PLXNB2: variants seen among roughly 807,000 people sequenced by gnomAD.
PLXNB2 encodes plexin-B2.
PLXNB2 carries 85 observed loss-of-function variants against 202.6 expected under a neutral mutation model. The observed-to-expected ratio is 0.42, with a 90% CI of 0.35 to 0.50. PLXNB2 has a LOEUF of 0.50. Among genes scored for constraint, PLXNB2 ranks in the 20% least tolerant of loss-of-function variants. The probability of loss-of-function intolerance (pLI) is 0.02; values close to 1 mark genes in which losing one functional copy is unlikely to be tolerated. For missense variants in PLXNB2, 2,063 were observed against 2,586.2 expected, an observed-to-expected ratio of 0.80 and a Z score of 4.39; for synonymous variants, 1,239 against 1,137.6, an observed-to-expected ratio of 1.09 and a Z score of -1.79.
chr22:50,282,460 G>A, intron 18 of PLXNB2, 147 bp from the exon 19 acceptor site: 1 of 853,200 alleles, frequency 1.2e-6, no homozygotes, highest in Non-Finnish European at 1.8e-6. Flanking sequence ...CAACGCGGTG[G>A]GACGTGCTGA....
rs751555428 is a variant in PLXNB2 at position 50,282,728 on chromosome 22, C to A, written c.2970G>T (p.Pro990=). ...RENPVLRAFE[P]LRSFASGGRS... ...AGCCTCACCTGGCAAAGCTTCGTAG[C>A]GGCTCGAAGGCTCGCAGTACGGGGT... is the stretch of plus-strand genomic sequence containing the variant. The change falls in exon 18 of 37, where the codon CCG becomes CCT. Residue 990 remains proline, a synonymous_variant. Coordinates refer to ENST00000359337, the MANE Select transcript of PLXNB2 (RefSeq NM_012401.4). 3 of 1,599,728 alleles carry A rather than the reference C, an allele frequency of 1.9e-6. No individual in the cohort carries two copies. Among genetic ancestry groups the A allele is most frequent in the Admixed American group, 1.7e-5 (1 of 57,630 alleles).
At chr22:50,295,536 C>T (rs1174192735) in intron 1 of PLXNB2, among the ~76,000 whole-genome samples, 2 of 152,148 alleles carry the variant, frequency 1.3e-5, no homozygotes, top group South Asian at 2.1e-4. Flanking sequence ...TTCAGCAATG[C>T]TTGCTATTGT....
intron 1 of PLXNB2, chr22:50,300,184 G>T: frequency 1.3e-6 from 1 of 798,926 alleles, no homozygotes; most frequent in Non-Finnish European, 1.5e-6. Context: ...GGCCCAGGAC[G>T]CGCGGGCGGG....
rs1050704647 is a variant in PLXNB2 at position 50,279,003 on chromosome 22, G to A, written c.4398C>T (p.Ser1466=). 7 of 1,607,220 alleles carry A rather than the reference G, an allele frequency of 4.4e-6. No homozygotes were observed. The highest frequency in any genetic ancestry group is 2.2e-5 in the East Asian group (1 of 44,772). Residue 1466 remains serine, a synonymous_variant, in exon 28 of 37, where the codon AGC becomes AGT. Transcript: ENST00000359337. ...DDVEYAPLTV[S]VIVQDEGVDA... The stretch of plus-strand genomic sequence containing the variant: ...CCACTCCCTCGTCCTGCACGATCAC[G>A]CTCACCGTCTGCCGAGACATCCGGG...
In PLXNB2 at chr22:50,285,839, T is replaced by C. The variant is rs963483058; in HGVS notation, c.2049A>G (p.Thr683=). Residue 683 remains threonine (T), a synonymous_variant, in exon 11 of 37, where the codon ACA becomes ACG. Coordinates refer to ENST00000359337, the MANE Select transcript of PLXNB2 (RefSeq NM_012401.4). ...SPLVIPMNHE[T]DVNFQGKNLD... ...GGTTCTTGCCCTGGAAGTTCACATC[T>C]GTCTCGTGGTTCATGGGGATCACCA... 1.2e-6 allele frequency: 2 copies of C among 1,612,910 alleles called. No individual in the cohort carries two copies. The highest frequency in any genetic ancestry group is 2.7e-5 in the African/African-American group (2 of 74,904).
chr22:50,289,218 G>T lies in PLXNB2; in HGVS notation c.1069-76C>A. 7.6e-7 allele frequency: 1 copy of T among 1,312,306 alleles called. No individual in the cohort carries two copies. The highest frequency in any genetic ancestry group is 1.0e-6 in the Non-Finnish European group (1 of 977,546). The allele number at this position is 1,312,306 out of a possible 1,614,324, so 81.3% of individuals were successfully genotyped here. On this transcript the variant is annotated intron_variant, in intron 3 of 36. Coordinates refer to ENST00000359337, the MANE Select transcript of PLXNB2 (RefSeq NM_012401.4). This position sits in a 1 kb window ranked among gnomAD's most constrained non-coding sequence, Gnocchi z 8.0. ...CCTCTCCACTCGCGCTCCAAGACTCGGGACAGGCCCTTCCCTTCCCTCCGG... is the reference window on the plus strand; with the variant it reads ...CCTCTCCACTCGCGCTCCAAGACTCTGGACAGGCCCTTCCCTTCCCTCCGG...
Position 50,282,693 on chromosome 22 carries a change from G to GGCAGGGCACTTAGGAGGCAGCTGGGTGT in PLXNB2, c.2987+17_2987+18insACACCCAGCTGCCTCCTAAGTGCCCTGC. ...TGGGTGTGGGGAGCAGAGGGGGGCG[G>GGCAGGGCACTTAGGAGGCAGCTGGGTGT]GGGGACACCAGCCTCACCTGGCAAA... On this transcript the variant is annotated intron_variant, in intron 18 of 36. Coordinates refer to ENST00000359337, the MANE Select transcript of PLXNB2 (RefSeq NM_012401.4). 6.4e-7 allele frequency: 1 copy of GGCAGGGCACTTAGGAGGCAGCTGGGTGT among 1,574,718 alleles called. No homozygotes were observed. Among genetic ancestry groups the GGCAGGGCACTTAGGAGGCAGCTGGGTGT allele is most frequent in the Non-Finnish European group, 8.7e-7 (1 of 1,154,232 alleles).
rs376633792 is a variant in PLXNB2 at position 50,290,305 on chromosome 22, C to T, written c.280G>A (p.Asp94Asn). 15 of 1,611,972 alleles carry T rather than the reference C, an allele frequency of 9.3e-6. No homozygotes were observed. In the African/African-American group the frequency reaches 1.7e-4, roughly 19 times the overall value. The change falls in exon 3 of 37, where the codon GAC (aspartate) becomes AAC (asparagine). Residue 94 changes from aspartate to asparagine, a missense_variant. This residue lies in a region of PLXNB2 where 1,303 missense variants were observed against 1,476.8 expected (regional missense o/e 0.88). Coordinates refer to ENST00000359337, the MANE Select transcript of PLXNB2 (RefSeq NM_012401.4). ...AGCAGCAGCAGCTGGTTGACATTGT[C>T]AGTCATCTCAGCCTCATGGCACTGG... is the stretch of plus-strand genomic sequence containing the variant. ...ASQCHEAEMT[D>N]NVNQLLLLDP... is the part of the protein sequence containing the mutation.
Position 50,289,113 on chromosome 22 carries a change from C to G in PLXNB2, c.1098G>C (p.Ser366=). The change falls in exon 4 of 37, where the codon TCG becomes TCC. Residue 366 remains serine (S), a synonymous_variant. Coordinates refer to ENST00000359337, the MANE Select transcript of PLXNB2 (RefSeq NM_012401.4). The surrounding 1 kb of genome is among the most constrained non-coding windows in gnomAD (Gnocchi z 8.0). The part of the protein sequence containing the change: ...PGSSKSFPCG[S]EHLPYPLGSR... ...TGCCCAGCGGGTAGGGCAGGTGCTC[C>G]GAGCCACATGGGAAGCTCTTGCTGG... 6.3e-7 allele frequency: 1 copy of G among 1,582,906 alleles called. No homozygotes were observed.
At position 50,289,216 on chromosome 22, in the gene PLXNB2, T is replaced by A. The variant is rs140306060; in HGVS notation, c.1069-74A>T. The A allele has an allele frequency of 2.2e-4, 290 of 1,329,412 alleles. No individual in the cohort carries two copies. The African/African-American group carries it at 3.9e-3, about 18-fold the overall frequency. 82.4% of individuals were successfully genotyped at this position (1,329,412 alleles called of 1,614,324 possible). On this transcript the variant is annotated intron_variant, in intron 3 of 36. Coordinates refer to ENST00000359337, the MANE Select transcript of PLXNB2 (RefSeq NM_012401.4). This position sits in a 1 kb window ranked among gnomAD's most constrained non-coding sequence, Gnocchi z 8.0. ...GCCCTCTCCACTCGCGCTCCAAGAC[T>A]CGGGACAGGCCCTTCCCTTCCCTCC...
chr22:50,280,580 G>A lies in PLXNB2; in HGVS notation c.4084C>T (p.Leu1362=). ...TGCATGATGTCCGTGTAGTACTCCA[G>A]TTTCCCGTGCAGCGCCACCGTCAGC... ...SLLTVALHGK[L]EYYTDIMHTL... The change falls in exon 25 of 37, where the codon CTG becomes TTG. Residue 1362 remains leucine, a synonymous_variant. Transcript: ENST00000359337. 1.2e-6 allele frequency: 2 copies of A among 1,612,524 alleles called. No homozygotes were observed. Among genetic ancestry groups the A allele is most frequent in the Non-Finnish European group, 1.7e-6 (2 of 1,179,890 alleles).
rs530361396 is a variant in PLXNB2, at chr22:50,281,899, G to T, written c.3300C>A (p.Phe1100Leu). 6.2e-7 allele frequency: 1 copy of T among 1,613,036 alleles called. No homozygotes were observed. The highest frequency in any genetic ancestry group is 2.2e-5 in the East Asian group (1 of 44,868). The change falls in exon 20 of 37, where the codon TTC (phenylalanine) becomes TTA (leucine). Residue 1100 changes from phenylalanine to leucine, a missense_variant. Physicochemically the swap from Phe to Leu is conservative, Grantham distance 22. Around this residue, in one of 2 missense-constraint regions of PLXNB2, gnomAD observed 760 missense variants for 1,109.4 expected, o/e 0.69. Coordinates refer to ENST00000359337, the MANE Select transcript of PLXNB2 (RefSeq NM_012401.4). ...TGACCTGCTTCTTGACGCCACCTGT[G>T]AAGTTCTCAAAGGTGGGGTCAGGCA... ...EYVPDPTFEN[F>L]TGGVKKQVNK...
chr22:50,287,811 G>C lies in PLXNB2; in HGVS notation c.1482-18C>G. 6.3e-7 allele frequency: 1 copy of C among 1,595,826 alleles called. No individual in the cohort carries two copies. The highest frequency in any genetic ancestry group is 1.3e-5 in the African/African-American group (1 of 74,928). On this transcript the variant is annotated intron_variant, in intron 6 of 36. Coordinates refer to ENST00000359337, the MANE Select transcript of PLXNB2 (RefSeq NM_012401.4). The stretch of plus-strand genomic sequence containing the variant: ...GGGTGCATCTGCAGGCGCAGGGGGC[G>C]GCCTCAGCCCAGGGTGGAGTCTTGT...
rs1223098951 is a variant in PLXNB2 at position 50,287,197 on chromosome 22, T to C, written c.1676A>G (p.Glu559Gly). The change falls in exon 8 of 37, where the codon GAG (glutamate) becomes GGG (glycine). Residue 559 changes from glutamate (E) to glycine (G), a missense_variant. Coordinates refer to ENST00000359337, the MANE Select transcript of PLXNB2 (RefSeq NM_012401.4). Reference protein sequence around the residue: ...EEDELLCLFGESPPHPARVEG... With the variant: ...EEDELLCLFGGSPPHPARVEG... ...CACGCGGGCGGGGTGTGGCGGCGACTCCCCAAAAAGGCACAGCAACTCGTC... is the reference window on the plus strand; with the variant it reads ...CACGCGGGCGGGGTGTGGCGGCGACCCCCCAAAAAGGCACAGCAACTCGTC... 2 of 1,548,754 alleles carry C rather than the reference T, an allele frequency of 1.3e-6. No homozygotes were observed. The highest frequency in any genetic ancestry group is 3.9e-5 in the Admixed American group (2 of 50,984).
At position 50,290,016 on chromosome 22, in the gene PLXNB2, C is replaced by T. The variant is rs765277978; in HGVS notation, c.569G>A (p.Arg190Gln). 1.9e-5 allele frequency: 31 copies of T among 1,613,300 alleles called. No homozygotes were observed. The highest frequency in any genetic ancestry group is 4.0e-5 in the African/African-American group (3 of 74,946). ...GIIVSTRLLD[R>Q]TDSREAFEAY... ...TTCAAAGGCCTCCCTGCTGTCAGTCCGGTCCAACAGCCGAGTGCTCACGAT... is the reference window on the plus strand; with the variant it reads ...TTCAAAGGCCTCCCTGCTGTCAGTCTGGTCCAACAGCCGAGTGCTCACGAT... Residue 190 changes from arginine to glutamine, a missense_variant, in exon 3 of 37, where the codon CGG becomes CAG. Coordinates refer to ENST00000359337, the MANE Select transcript of PLXNB2 (RefSeq NM_012401.4).
intron 16 of PLXNB2, 26 bp from the exon 17 acceptor site, chr22:50,283,212 G>C: frequency 6.2e-7 from 1 of 1,600,098 alleles, no homozygotes; most frequent in Non-Finnish European, 8.5e-7. Flanking sequence ...GGGCACTCGG[G>C]TGAGGACGGG....
intron 1 of PLXNB2, among the ~76,000 whole-genome samples, chr22:50,298,674 C>T (rs953936446): frequency 6.6e-6 from 1 of 152,322 alleles, no homozygotes; most frequent in Non-Finnish European, 1.5e-5. Flanking sequence ...TGAGACAGGT[C>T]TCACTCTGTC....
In PLXNB2 at chr22:50,287,943, T is replaced by G. The variant is rs1419000468; in HGVS notation, c.1475A>C (p.Glu492Ala). 2.9e-5 allele frequency: 46 copies of G among 1,585,510 alleles called. No individual in the cohort carries two copies. Among genetic ancestry groups the G allele is most frequent in the Non-Finnish European group, 3.9e-5 (45 of 1,167,190 alleles). Reference sequence around the variant, plus strand: ...AGCCACCCCAGGCACTCACCGTCCCTCGACGACGCACCAGCCGCAGTAGGG... The same window carrying G: ...AGCCACCCCAGGCACTCACCGTCCCGCGACGACGCACCAGCCGCAGTAGGG... Reference protein sequence around the residue: ...QDPYCGWCVVEGRCTRKAECP... With the variant: ...QDPYCGWCVVAGRCTRKAECP... The change falls in exon 6 of 37, where the codon GAG (glutamate) becomes GCG (alanine). Residue 492 changes from glutamate (E) to alanine (A), a missense_variant. Around this residue, in one of 2 missense-constraint regions of PLXNB2, gnomAD observed 1,303 missense variants for 1,476.8 expected, o/e 0.88. Transcript: ENST00000359337.
chr22:50,295,645 G>A (rs1236134036), intron 1 of PLXNB2, among the ~76,000 whole-genome samples: 1 of 152,206 alleles, frequency 6.6e-6, no homozygotes, highest in Non-Finnish European at 1.5e-5. Context: ...GTTGGCTTTA[G>A]TGAAAATTTG....
Sources: allele counts gnomAD v4.1 joint callset (sites outside exome capture counted in the v4.1 genomes callset), GRCh38; gene constraint gnomAD v4.1.1; regional missense constraint gnomAD v4.1.1; non-coding constraint Gnocchi (gnomAD v3.1); transcripts MANE v1.5; gene names NCBI Gene and HGNC (gene_info 2026-07-23, HGNC 2026-07-21).